The following GSN variants were observed in gnomAD, a reference collection of about 807,000 sequenced individuals.
The protein encoded by GSN is actin-depolymerizing factor.
GSN carries 56 observed loss-of-function variants against 85.7 expected under a neutral mutation model. The ratio of observed to expected loss-of-function variants is 0.65; its 90% CI spans 0.53 to 0.82. The LOEUF is 0.82. Among genes scored for constraint, GSN ranks in the 40% least tolerant of loss-of-function variants. The probability of loss-of-function intolerance (pLI) is 0.00; values close to 1 mark genes in which losing one functional copy is unlikely to be tolerated. For synonymous variants in GSN, 373 were observed against 399.1 expected (o/e 0.93, Z 0.78); for missense variants, 857 against 979.8 (o/e 0.87, Z 1.67).
intron 2 of GSN, among the ~76,000 whole-genome samples, chr9:121,294,676 G>C (rs1315774187): frequency 6.6e-6 from 1 of 152,222 alleles, no homozygotes; most frequent in East Asian, 1.9e-4. Flanking sequence ...AAAGCAGAAG[G>C]CCAGCCAGCC....
At chr9:121,308,573 G>A (rs539464056) in intron 4 of GSN, 5 of 152,250 alleles carry the variant, frequency 3.3e-5, no homozygotes, top group Non-Finnish European at 7.3e-5. Flanking sequence ...ACAGCTACTT[G>A]GGAGGCTAAA....
chr9:121,317,286 A>G, intron 8 of GSN, 68 bp downstream of exon 8: 1 of 1,530,538 alleles, frequency 6.5e-7, no homozygotes, highest in Non-Finnish European at 9.0e-7. Context: ...TGCAGCTCCC[A>G]GGAACTCAGC....
chr9:121,231,621 G>A (rs1003316244), intron 5 of GSN, among the ~76,000 whole-genome samples: 6 of 152,196 alleles, frequency 3.9e-5, no homozygotes, highest in African/African-American at 1.4e-4. Flanking sequence ...TGAGAGCTGG[G>A]AAGAGGGAAG....
At chr9:121,308,963 G>T (rs1404774313) in intron 4 of GSN, 3 of 152,294 alleles carry the variant, frequency 2.0e-5, no homozygotes, top group Non-Finnish European at 4.4e-5. Flanking sequence ...GCTAGAATTA[G>T]ACTTAGCACA....
At chr9:121,275,654 G>A (rs1019585661) in intron 1 of GSN, among the ~76,000 whole-genome samples, 11 of 152,148 alleles carry the variant, frequency 7.2e-5, no homozygotes, top group Admixed American at 3.9e-4. Context: ...TGGAAGGCAA[G>A]TTCCCAGTTC....
At chr9:121,209,649 T>C (rs1237432681) in intron 2 of GSN, among the ~76,000 whole-genome samples, 1 of 152,238 alleles carries the variant, frequency 6.6e-6, no homozygotes, top group African/African-American at 2.4e-5. Context: ...CAGCATTTAA[T>C]ACCTATGTGA....
chr9:121,262,121 G>A (rs1369779533), intron 6 of GSN, among the ~76,000 whole-genome samples: 1 of 152,212 alleles, frequency 6.6e-6, no homozygotes, highest in Non-Finnish European at 1.5e-5. Context: ...ACCATTATAT[G>A]AAGTGTACAG....
intron 4 of GSN, among the ~76,000 whole-genome samples, chr9:121,220,819 C>T (rs1010249732): frequency 1.1e-4 from 16 of 152,110 alleles, no homozygotes; most frequent in African/African-American, 2.7e-4. Context: ...AGAACTTAAT[C>T]GCGTTGTTTT....
At chr9:121,276,412 G>A (rs961511329) in intron 1 of GSN, among the ~76,000 whole-genome samples, 1 of 152,202 alleles carries the variant, frequency 6.6e-6, no homozygotes, top group South Asian at 2.1e-4. Context: ...GGCCCCAAGG[G>A]GATGCATGGC....
At chr9:121,228,882 C>T (rs1245925771) in intron 4 of GSN, among the ~76,000 whole-genome samples, 2 of 152,192 alleles carry the variant, frequency 1.3e-5, no homozygotes, top group African/African-American at 2.4e-5. Context: ...CACACATGCT[C>T]GCTCTGTTTC....
chr9:121,255,697 GATTTATTTAAATAA>G (rs1349398465), intron 6 of GSN, among the ~76,000 whole-genome samples: 5 of 152,056 alleles, frequency 3.3e-5, no homozygotes, highest in African/African-American at 1.2e-4. Flanking sequence ...CATGTATTAT[GATTTATTTAAATAA>G]ATTTATTTAA....
chr9:121,299,746 C>CG lies in GSN; in HGVS notation c.-9-2217_-9-2216insG. On this transcript the variant is annotated intron_variant, in intron 2 of 17. Transcript: ENST00000432226. This position sits in a 1 kb window ranked among gnomAD's most constrained non-coding sequence, Gnocchi z 4.2. ...CTCCAAGATCCGAGACAGATCCCCG[C>CG]CCCGCGCCCTCCCTGGGGGGCGGTC... 1 of 1,120,434 alleles carries CG rather than the reference C, an allele frequency of 8.9e-7. No homozygotes were observed. Among genetic ancestry groups the CG allele is most frequent in the Non-Finnish European group, 1.1e-6 (1 of 898,542 alleles). 69.4% of individuals were successfully genotyped at this position (1,120,434 alleles called of 1,614,324 possible). A position where few individuals can be genotyped will look rare whatever the true frequency, so the allele number is the denominator to read the frequency against.
upstream of GSN, among the ~76,000 whole-genome samples, chr9:121,267,448 C>T (rs1387590725): frequency 1.3e-5 from 2 of 152,186 alleles, no homozygotes; most frequent in Admixed American, 6.5e-5. Flanking sequence ...CTTTTTCTCA[C>T]TGAGTCTTCT....
chr9:121,300,082 G>A (rs754194635), intron 2 of GSN: 1 of 1,611,518 alleles, frequency 6.2e-7, no homozygotes, highest in Non-Finnish European at 8.5e-7. Flanking sequence ...GCTAGGAAAA[G>A]GGGAGTAATT....
At chr9:121,223,915 T>C (rs1008766246) in intron 4 of GSN, among the ~76,000 whole-genome samples, 7 of 152,064 alleles carry the variant, frequency 4.6e-5, no homozygotes, top group African/African-American at 1.7e-4. Context: ...CGCCTCGGCC[T>C]CCCAAAGTGC....
chr9:121,312,459 G>A lies in GSN; in HGVS notation c.634G>A (p.Glu212Lys). Residue 212 changes from glutamate to lysine, a missense_variant, in exon 6 of 18, where the codon GAG (glutamate) becomes AAG (lysine). Coordinates refer to ENST00000432226, the MANE Select transcript of GSN (RefSeq NM_198252.3). ...CCGGGCCCGAGTGCACGTGTCTGAGGAGGGCACTGAGCCCGAGGCGATGCT... is the reference window on the plus strand; with the variant it reads ...CCGGGCCCGAGTGCACGTGTCTGAGAAGGGCACTGAGCCCGAGGCGATGCT... ...SGRARVHVSE[E>K]GTEPEAMLQV... is the part of the protein sequence containing the mutation. 6.2e-7 allele frequency: 1 copy of A among 1,613,912 alleles called. No individual in the cohort carries two copies. Among genetic ancestry groups the A allele is most frequent in the Non-Finnish European group, 8.5e-7 (1 of 1,179,912 alleles).
chr9:121,204,511 CA>C (rs2053852230), upstream of GSN, among the ~76,000 whole-genome samples: 1 of 152,188 alleles, frequency 6.6e-6, no homozygotes, highest in Non-Finnish European at 1.5e-5. Flanking sequence ...TAGGAATGGT[CA>C]ATTCTTTTAA....
intron 14 of GSN, among the ~76,000 whole-genome samples, chr9:121,328,500 A>G (rs571378973): frequency 2.8e-4 from 42 of 152,356 alleles, no homozygotes; most frequent in Non-Finnish European, 5.6e-4. Context: ...TGGAAAGAGT[A>G]TAGGTGTTAG....
At chr9:121,228,875 A>C (rs986532937) in intron 4 of GSN, among the ~76,000 whole-genome samples, 2 of 152,124 alleles carry the variant, frequency 1.3e-5, no homozygotes, top group African/African-American at 4.8e-5. Context: ...ACACATACAC[A>C]CATGCTCGCT....
Sources: allele counts gnomAD v4.1 joint callset (sites outside exome capture counted in the v4.1 genomes callset), GRCh38; gene constraint gnomAD v4.1.1; non-coding constraint Gnocchi (gnomAD v3.1); transcripts MANE v1.5; gene names NCBI Gene and HGNC (gene_info 2026-07-23, HGNC 2026-07-21).